The following NRXN1 variants were observed in gnomAD, a reference collection of about 807,000 sequenced individuals.
NRXN1 encodes neurexin-1.
NRXN1 carries 39 observed loss-of-function variants against 150.9 expected under a neutral mutation model. That is an observed-to-expected ratio of 0.26 (90% CI 0.20 to 0.34). The LOEUF is 0.34. Among genes scored for constraint, NRXN1 ranks in the 10% least tolerant of loss-of-function variants. NRXN1 has a pLI of 1.00. For missense variants in NRXN1, 1,815 were observed against 1,949.9 expected (o/e 0.93, Z 1.30); for synonymous variants, 924 against 757.0 (o/e 1.22, Z -3.62).
intron 17 of NRXN1, among the ~76,000 whole-genome samples, chr2:50,295,521 G>C (rs917292768): frequency 6.6e-6 from 1 of 152,062 alleles, no homozygotes; most frequent in Admixed American, 6.6e-5. Context: ...TGAATAGAAG[G>C]AATATGAGCA....
intron 18 of NRXN1, among the ~76,000 whole-genome samples, chr2:50,199,683 T>C (rs2062025091): frequency 6.6e-6 from 1 of 152,130 alleles, no homozygotes; most frequent in Admixed American, 6.6e-5. Flanking sequence ...GTGAATTGTT[T>C]CCAAGAGTGG....
At chr2:49,970,923 A>G (rs746935509) in intron 21 of NRXN1, among the ~76,000 whole-genome samples, 3 of 152,082 alleles carry the variant, frequency 2.0e-5, no homozygotes, top group Non-Finnish European at 4.4e-5. Context: ...AGAAGACTAA[A>G]TAATAAAAGG....
At chr2:50,253,998 C>T (rs1003230370) in intron 17 of NRXN1, among the ~76,000 whole-genome samples, 2 of 151,898 alleles carry the variant, frequency 1.3e-5, no homozygotes, top group African/African-American at 4.9e-5. Context: ...GGTACCAGCT[C>T]CCCTCTGTAT....
At chr2:50,854,601 C>G (rs560016179) in intron 5 of NRXN1, among the ~76,000 whole-genome samples, 180 of 152,102 alleles carry the variant, frequency 1.2e-3, no homozygotes, top group African/African-American at 4.1e-3. Flanking sequence ...TATTATAGTT[C>G]GAGGAAAATA....
At chr2:50,540,346 A>G (rs1333819014) in intron 9 of NRXN1, among the ~76,000 whole-genome samples, 1 of 152,240 alleles carries the variant, frequency 6.6e-6, no homozygotes, top group African/African-American at 2.4e-5. Context: ...GAACCATAAA[A>G]TCCTATTTAG....
chr2:50,708,585 G>A (rs1694748157), intron 5 of NRXN1, among the ~76,000 whole-genome samples: 1 of 152,162 alleles, frequency 6.6e-6, no homozygotes, highest in African/African-American at 2.4e-5. Flanking sequence ...CTCAACAACA[G>A]GCAGGGTACC....
chr2:50,947,320 A>T (rs1005226019), intron 2 of NRXN1, among the ~76,000 whole-genome samples: 2 of 152,052 alleles, frequency 1.3e-5, no homozygotes, highest in Non-Finnish European at 2.9e-5. Context: ...GAAGAAATGA[A>T]TCAGACATTT....
chr2:50,099,749 T>A (rs1028261169), intron 18 of NRXN1, among the ~76,000 whole-genome samples: 2 of 152,114 alleles, frequency 1.3e-5, no homozygotes, highest in South Asian at 2.1e-4. Flanking sequence ...AAGCAGGGTA[T>A]CTATTTTGTA....
intron 5 of NRXN1, among the ~76,000 whole-genome samples, chr2:50,791,264 T>G (rs2105603028): frequency 6.9e-6 from 1 of 144,130 alleles, no homozygotes. Context: ...ATAAGTTCCC[T>G]TGAGATAGAA....
chr2:50,495,849 T>C lies in NRXN1; in HGVS notation c.3070+56A>G, dbSNP rs2091574651. On this transcript the variant is annotated intron_variant, in intron 15 of 22. Transcript: ENST00000401669. ...ACACCCCTAAGCAAAGGATTTTCCA[T>C]GTGAAGGGAGACCGTGTGGTGCAAG... is the stretch of plus-strand genomic sequence containing the variant. The C allele has an allele frequency of 3.2e-5, 46 of 1,456,056 alleles. No individual in the cohort carries two copies. In the South Asian group the frequency reaches 5.7e-4, roughly 18 times the overall value. 90.2% of individuals were successfully genotyped at this position (1,456,056 alleles called of 1,614,324 possible). A position where few individuals can be genotyped will look rare whatever the true frequency, so the allele number is the denominator to read the frequency against.
intron 2 of NRXN1, among the ~76,000 whole-genome samples, chr2:50,976,704 G>C (rs1005817046): frequency 6.6e-6 from 1 of 151,796 alleles, no homozygotes; most frequent in Admixed American, 6.6e-5. Context: ...TCAGTAAGAT[G>C]AAAATTGAGC....
At chr2:50,375,174 T>A (rs561832219) in intron 17 of NRXN1, among the ~76,000 whole-genome samples, 2 of 152,078 alleles carry the variant, frequency 1.3e-5, no homozygotes, top group South Asian at 4.1e-4. Context: ...TAGTTTAACA[T>A]TGCTTTTAAG....
intron 18 of NRXN1, chr2:50,175,153 A>T (rs1391424305): frequency 6.6e-6 from 1 of 152,178 alleles, no homozygotes; most frequent in Admixed American, 6.6e-5. Flanking sequence ...ACTCCTTCAC[A>T]ATGGCCGAAG....
At chr2:50,630,175 C>T (rs533832079) in intron 5 of NRXN1, among the ~76,000 whole-genome samples, 53 of 151,522 alleles carry the variant, frequency 3.5e-4, no homozygotes, top group African/African-American at 1.2e-3. Flanking sequence ...TGAGAGTAAG[C>T]TCAACTTTAA....
intron 18 of NRXN1, among the ~76,000 whole-genome samples, chr2:50,104,195 G>C (rs1701342459): frequency 6.6e-6 from 1 of 151,984 alleles, no homozygotes; most frequent in Admixed American, 6.6e-5. Flanking sequence ...GCTGACAATA[G>C]TTGAAAAGCA....
intron 5 of NRXN1, among the ~76,000 whole-genome samples, chr2:50,773,998 G>A (rs773439183): frequency 2.0e-5 from 3 of 152,016 alleles, no homozygotes; most frequent in Non-Finnish European, 4.4e-5. Context: ...CACACGACCC[G>A]GATGCTAAAT....
intron 5 of NRXN1, among the ~76,000 whole-genome samples, chr2:50,760,079 T>C (rs2105376948): frequency 6.6e-6 from 1 of 152,002 alleles, no homozygotes; most frequent in East Asian, 2.0e-4. Flanking sequence ...ACATAGTTCA[T>C]TTTTTAAAAT....
intron 5 of NRXN1, among the ~76,000 whole-genome samples, chr2:50,693,189 G>A (rs1574123782): frequency 6.6e-6 from 1 of 152,306 alleles, no homozygotes; most frequent in East Asian, 1.9e-4. Context: ...AAATCCAAAG[G>A]AGAGAATACA....
intron 5 of NRXN1, among the ~76,000 whole-genome samples, chr2:50,634,485 A>C (rs1397631487): frequency 1.3e-5 from 2 of 152,204 alleles, no homozygotes; most frequent in African/African-American, 4.8e-5. Context: ...AGCTTTTTAA[A>C]GACTGTCAAT....
Sources: gnomAD v4.1 joint callset for allele counts (sites outside exome capture counted in the v4.1 genomes callset) on GRCh38, gnomAD v4.1.1 for gene constraint, MANE v1.5 for transcripts, NCBI Gene and HGNC (gene_info 2026-07-23, HGNC 2026-07-21) for gene names.